Variants in SH3BP4 observed in about 807,000 individuals in gnomAD.
SH3BP4 encodes SH3 domain-binding protein 4.
SH3BP4 carries 33 observed loss-of-function variants against 65.5 expected under a neutral mutation model. The ratio of observed to expected loss-of-function variants is 0.50; its 90% CI spans 0.38 to 0.67. The LOEUF is 0.67. SH3BP4 is among the 30% of genes least tolerant of loss of function. The pLI, the probability that SH3BP4 is intolerant of heterozygous loss-of-function variation, is 0.00. For missense variants in SH3BP4, 1,134 were observed against 1,261.4 expected (o/e 0.90, Z 1.53); for synonymous variants, 552 against 545.5 (o/e 1.01, Z -0.17).
intron 2 of SH3BP4, among the ~76,000 whole-genome samples, chr2:235,006,307 C>T (rs567124363): frequency 4.6e-5 from 7 of 152,336 alleles, no homozygotes; most frequent in African/African-American, 1.4e-4. Context: ...CAGAAAATCT[C>T]AGAGCGGCCA....
intron 2 of SH3BP4, among the ~76,000 whole-genome samples, chr2:235,016,433 A>G (rs1694686144): frequency 6.6e-6 from 1 of 152,148 alleles, no homozygotes; most frequent in Admixed American, 6.5e-5. Flanking sequence ...GTGTCTGGTG[A>G]TGCTGAATGC....
chr2:235,041,553 T>C lies in SH3BP4; in HGVS notation c.784T>C (p.Ser262Pro), dbSNP rs754998476. The change falls in exon 4 of 6, where the codon TCG becomes CCG. Residue 262 changes from serine to proline, a missense_variant. Ser to Pro is a moderately conservative substitution (Grantham distance 74). Transcript: ENST00000392011. This position sits in a 1 kb window ranked among gnomAD's most constrained non-coding sequence, Gnocchi z 6.0. ...VLQAKSDAPT[S>P]SSFFTGLKSP... ...CCAAGCCAAGTCCGATGCTCCCACA[T>C]CGTCGAGTTTCTTCACCGGCTTGAA... is the stretch of plus-strand genomic sequence containing the variant. 4 of 1,614,094 alleles carry C rather than the reference T, an allele frequency of 2.5e-6. No individual in the cohort carries two copies. In the South Asian group the frequency reaches 4.4e-5, roughly 18 times the overall value.
intron 1 of SH3BP4, among the ~76,000 whole-genome samples, chr2:234,994,155 C>T (rs745988902): frequency 3.9e-5 from 6 of 152,160 alleles, no homozygotes; most frequent in Non-Finnish European, 7.3e-5. Flanking sequence ...TTCCCCTCCA[C>T]ACCCTTCTAT....
At chr2:235,039,650 T>C (rs1028685350) in intron 3 of SH3BP4, among the ~76,000 whole-genome samples, 2 of 152,174 alleles carry the variant, frequency 1.3e-5, no homozygotes, top group Non-Finnish European at 2.9e-5. Context: ...AGAAAGAGTG[T>C]TCTTCATCTT....
At chr2:235,009,429 T>C (rs746234038) in intron 2 of SH3BP4, among the ~76,000 whole-genome samples, 1 of 152,102 alleles carries the variant, frequency 6.6e-6, no homozygotes, top group South Asian at 2.1e-4. Context: ...AGAGGGGCCG[T>C]GGTGTGGTGT....
chr2:234,964,699 GAGA>G (rs1692795365), intron 1 of SH3BP4, among the ~76,000 whole-genome samples: 1 of 152,210 alleles, frequency 6.6e-6, no homozygotes, highest in Non-Finnish European at 1.5e-5. Context: ...GGGCCATAGT[GAGA>G]CCCCCTTCCC....
rs1559259831 is a variant in SH3BP4, at chr2:235,046,009, G to A, written c.2478+2762G>A. Among the ~76,000 whole-genome samples, 1 of 152,156 alleles carries A rather than the reference G, an allele frequency of 6.6e-6. No individual in the cohort carries two copies. Among genetic ancestry groups the A allele is most frequent in the South Asian group, 2.1e-4 (1 of 4,820 alleles). ...TAGAACGGGGTCAGCCTTTGCCCCTGCCCCACAAAGTCGTGTAAGATCTGG... is the reference window on the plus strand; with the variant it reads ...TAGAACGGGGTCAGCCTTTGCCCCTACCCCACAAAGTCGTGTAAGATCTGG... On this transcript the variant is annotated intron_variant, in intron 4 of 5. Coordinates refer to ENST00000392011, the MANE Select transcript of SH3BP4 (RefSeq NM_014521.3). This position sits in a 1 kb window ranked among gnomAD's most constrained non-coding sequence, Gnocchi z 4.2.
intron 1 of SH3BP4, among the ~76,000 whole-genome samples, chr2:234,969,827 G>C (rs146155837): frequency 6.6e-6 from 1 of 152,074 alleles, no homozygotes; most frequent in East Asian, 1.9e-4. Flanking sequence ...AGGCTGAGAC[G>C]CGTGCTTGCG....
intron 2 of SH3BP4, among the ~76,000 whole-genome samples, chr2:235,007,670 G>A (rs953762216): frequency 3.3e-5 from 5 of 152,216 alleles, no homozygotes; most frequent in Admixed American, 1.3e-4. Flanking sequence ...ATTTCTGGGC[G>A]CTGCCAGTTG....
At chr2:234,961,061 C>T (rs1692695983) in intron 1 of SH3BP4, among the ~76,000 whole-genome samples, 2 of 152,306 alleles carry the variant, frequency 1.3e-5, no homozygotes, top group East Asian at 1.9e-4. Context: ...CTGAGCCCCA[C>T]ACACCTGTCT....
At chr2:234,975,336 G>A (rs1483530776) in intron 1 of SH3BP4, among the ~76,000 whole-genome samples, 1 of 152,150 alleles carries the variant, frequency 6.6e-6, no homozygotes, top group African/African-American at 2.4e-5. Context: ...CAGGCCTGGC[G>A]AGGTGCAGGC....
rs1288580998 is a variant in SH3BP4, at chr2:235,010,863, GAGAAACCTTCCTCCCTCTTCT to G, written c.-133+15492_-133+15512del. Among the ~76,000 whole-genome samples the G allele has an allele frequency of 7.4e-5, 8 of 107,524 alleles. No homozygotes were observed. The South Asian group carries it at 1.1e-3, about 14-fold the overall frequency. The allele number at this position is 107,524 out of a possible 152,430, so 70.5% of individuals were successfully genotyped here. ...GGAGAACCCTTCCTCCCTCTCCTAG[GAGAAACCTTCCTCCCTCTTCT>G]AGAACCCTTCCTCCCTCTCCTAGGA... On this transcript the variant is annotated intron_variant, in intron 2 of 5. Coordinates refer to ENST00000392011, the MANE Select transcript of SH3BP4 (RefSeq NM_014521.3).
rs758351836 is a variant in SH3BP4, at chr2:235,053,659, A to G, written c.2735A>G (p.Asp912Gly). 3 of 1,614,026 alleles carry G rather than the reference A, an allele frequency of 1.9e-6. No homozygotes were observed. Among genetic ancestry groups the G allele is most frequent in the Admixed American group, 1.7e-5 (1 of 59,990 alleles). ...CATCAGATCGGGGACAGCTACCGGG[A>G]TGTCATCCAGGAGCTGCACCTGGGC... is the stretch of plus-strand genomic sequence containing the variant. ...WSHQIGDSYR[D>G]VIQELHLGLD... The change falls in exon 6 of 6, where the codon GAT becomes GGT. Residue 912 changes from aspartate to glycine, a missense_variant. Coordinates refer to ENST00000392011, the MANE Select transcript of SH3BP4 (RefSeq NM_014521.3).
chr2:234,957,478 A>T (rs893857440), intron 1 of SH3BP4, among the ~76,000 whole-genome samples: 3 of 151,498 alleles, frequency 2.0e-5, no homozygotes, highest in Non-Finnish European at 4.4e-5. Context: ...TAATGGAAGA[A>T]ATTGTGGCCT....
intron 1 of SH3BP4, among the ~76,000 whole-genome samples, chr2:234,993,551 C>T (rs1045851610): frequency 4.6e-5 from 7 of 152,132 alleles, no homozygotes; most frequent in South Asian, 4.2e-4. Flanking sequence ...TGCACGCTCA[C>T]GGTAGAGGAA....
chr2:235,012,109 G>A (rs995342878), intron 2 of SH3BP4, among the ~76,000 whole-genome samples: 2 of 152,232 alleles, frequency 1.3e-5, no homozygotes, highest in Non-Finnish European at 2.9e-5. Context: ...AAACACTCTG[G>A]CATCTTCCCT....
At position 234,952,022 on chromosome 2, in the gene SH3BP4, G is replaced by T. The variant is rs1266478008; in HGVS notation, c.-355G>T. ...GCCCGCCGAGGCGGGGGCCCAGCGC[G>T]CCCGGCACTCTCGGCGGTCCGGGCC... is the stretch of plus-strand genomic sequence containing the variant. On this transcript the variant is annotated 5_prime_UTR_variant, in exon 1 of 6. Transcript: ENST00000392011. The surrounding 1 kb of genome is among the most constrained non-coding windows in gnomAD (Gnocchi z 6.5). 6.9e-6 allele frequency: 1 copy of T among 143,898 alleles called. No individual in the cohort carries two copies. The highest frequency in any genetic ancestry group is 1.5e-5 in the Non-Finnish European group (1 of 65,020). The allele number at this position is 143,898 out of a possible 1,614,324, so 8.9% of individuals were successfully genotyped here. A position where few individuals can be genotyped will look rare whatever the true frequency, so the allele number is the denominator to read the frequency against.
rs552847286 is a variant in SH3BP4, at chr2:235,041,516, A to T, written c.747A>T (p.Glu249Asp). The change falls in exon 4 of 6, where the codon GAA becomes GAT. Residue 249 changes from glutamate (E) to aspartate (D), a missense_variant. Coordinates refer to ENST00000392011, the MANE Select transcript of SH3BP4 (RefSeq NM_014521.3). The surrounding 1 kb of genome is among the most constrained non-coding windows in gnomAD (Gnocchi z 6.0). Reference protein sequence around the residue: ...FRSKRSYSLSELSVLQAKSDA... With the variant: ...FRSKRSYSLSDLSVLQAKSDA... The stretch of plus-strand genomic sequence containing the variant: ...GCAAGCGCTCCTACAGTCTCTCGGA[A>T]CTCTCCGTCCTCCAAGCCAAGTCCG... 1 of 1,613,928 alleles carries T rather than the reference A, an allele frequency of 6.2e-7. No individual in the cohort carries two copies.
chr2:234,972,278 C>T (rs747960626), intron 1 of SH3BP4, among the ~76,000 whole-genome samples: 4 of 151,498 alleles, frequency 2.6e-5, no homozygotes, highest in Admixed American at 6.6e-5. Context: ...ATTATAGGCA[C>T]GCACCACCAT....
Sources: gnomAD v4.1 joint callset for allele counts (sites outside exome capture counted in the v4.1 genomes callset) on GRCh38, gnomAD v4.1.1 for gene constraint, Gnocchi (gnomAD v3.1) non-coding constraint, MANE v1.5 for transcripts, NCBI Gene and HGNC (gene_info 2026-07-23, HGNC 2026-07-21) for gene names.